C1orf174: variants seen among roughly 807,000 people sequenced by gnomAD.
C1orf174 encodes the protein chromosome 1 open reading frame 174.
In C1orf174, 13 loss-of-function variants were observed where a neutral mutation model predicts 18.4. That is an observed-to-expected ratio of 0.71 (90% CI 0.46 to 1.12). The LOEUF (loss-of-function observed/expected upper bound fraction) is 1.12. C1orf174 is among the 50% of genes most tolerant of loss of function. The probability of loss-of-function intolerance (pLI) is 0.00; values close to 1 mark genes in which losing one functional copy is unlikely to be tolerated. For missense variants in C1orf174, 309 were observed against 308.0 expected (o/e 1.00, Z -0.02); for synonymous variants, 100 against 118.3 (o/e 0.85, Z 1.01).
At chr1:3,892,842 C>T (rs1570964955) in intron 2 of C1orf174, 41 bp downstream of exon 2, 1 of 1,602,614 alleles carries the variant, frequency 6.2e-7, no homozygotes, top group East Asian at 2.2e-5. Flanking sequence ...AATGGACCCT[C>T]GAGTCAGGAT....
Position 3,890,636 on chromosome 1 carries a change from A to C in C1orf174, c.551T>G (p.Phe184Cys), listed in dbSNP as rs1638490032. Residue 184 changes from phenylalanine (F) to cysteine (C), a missense_variant, in exon 3 of 4, where the codon TTT becomes TGT. Transcript: ENST00000361605. ...TGGCTGATTGCTGTCGTCATCTAGAAAGACGCTGTTGTCCATCTGAAGTGG... is the reference window on the plus strand; with the variant it reads ...TGGCTGATTGCTGTCGTCATCTAGACAGACGCTGTTGTCCATCTGAAGTGG... ...KPPLQMDNSV[F>C]LDDDSNQPMP... The C allele has an allele frequency of 1.2e-6, 2 of 1,614,040 alleles. No homozygotes were observed. Among genetic ancestry groups the C allele is most frequent in the African/African-American group, 2.7e-5 (2 of 74,980 alleles).
intron 1 of C1orf174, chr1:3,895,954 A>G (rs1213969018): frequency 6.6e-6 from 1 of 152,500 alleles, no homozygotes; most frequent in Non-Finnish European, 1.5e-5. Context: ...CAAAACAGCC[A>G]TTTAGAGAGC....
intron 1 of C1orf174, 46 bp downstream of exon 1, chr1:3,900,126 G>C: frequency 6.4e-7 from 1 of 1,565,094 alleles, no homozygotes; most frequent in Non-Finnish European, 8.6e-7. Flanking sequence ...GTGACCCAGA[G>C]TCCCCGCCCT....
chr1:3,894,850 C>T lies in C1orf174; in HGVS notation c.16-1854G>A, dbSNP rs1028400595. On this transcript the variant is annotated intron_variant, in intron 1 of 3. Transcript: ENST00000361605. ...TGAAGTGCCTGCTACCACAGCACAC[C>T]GGGGGCTGCGCCTCCGTCCTCTCAC... Among the ~76,000 whole-genome samples the T allele has an allele frequency of 5.9e-5, 9 of 152,154 alleles. No homozygotes were observed. The South Asian group carries it at 1.2e-3, about 21-fold the overall frequency.
At position 3,898,096 on chromosome 1, in the gene C1orf174, A is replaced by G. The variant is rs10909823; in HGVS notation, c.15+2076T>C. On this transcript the variant is annotated intron_variant, in intron 1 of 3. Coordinates refer to ENST00000361605, the MANE Select transcript of C1orf174 (RefSeq NM_207356.3). ...GAACAAAACCTTGAAAGCCCCAAGA[A>G]GAAAGCCACTTAGAAGGGAACCTCA... is the stretch of plus-strand genomic sequence containing the variant. Among the ~76,000 whole-genome samples, 2,107 of 152,372 alleles carry G rather than the reference A, an allele frequency of 0.014. 111 individuals are homozygous for G. The East Asian group carries it at 0.14, about 10-fold the overall frequency.
chr1:3,900,143 C>G, intron 1 of C1orf174, 29 bp downstream of exon 1: 1 of 1,573,230 alleles, frequency 6.4e-7, no homozygotes, highest in Non-Finnish European at 8.6e-7. Flanking sequence ...CCCTGCCCGG[C>G]GCAGCTGCTG....
chr1:3,900,119 A>G (rs113529609), intron 1 of C1orf174, 53 bp downstream of exon 1: 277,244 of 1,555,982 alleles, frequency 0.18, 27,828 homozygotes, highest in African/African-American at 0.42. Context: ...ACAGCAGGTG[A>G]CCCAGAGTCC....
chr1:3,890,113 AC>A, intron 3 of C1orf174, 40 bp from the exon 4 acceptor site: 1 of 1,490,134 alleles, frequency 6.7e-7, no homozygotes, highest in Non-Finnish European at 9.4e-7. Flanking sequence ...CATGAGCAAT[AC>A]ATATCTGCAC....
chr1:3,900,049 G>A (rs1433738484), intron 1 of C1orf174, 123 bp downstream of exon 1: 18 of 1,233,200 alleles, frequency 1.5e-5, no homozygotes, highest in Non-Finnish European at 1.3e-5. Flanking sequence ...CGGGGGCGAG[G>A]CCCAAGCGGA....
intron 1 of C1orf174, among the ~76,000 whole-genome samples, chr1:3,896,633 T>A (rs1638610140): frequency 6.6e-6 from 1 of 152,114 alleles, no homozygotes; most frequent in Non-Finnish European, 1.5e-5. Context: ...GTGGAGGCAG[T>A]GGAGAATCAA....
chr1:3,895,549 A>G (rs1485326866), intron 1 of C1orf174: 1 of 110,870 alleles, frequency 9.0e-6, no homozygotes, highest in Non-Finnish European at 2.0e-5. Flanking sequence ...ACACCTGAGG[A>G]TCTGGTGGGC....
intron 3 of C1orf174, among the ~76,000 whole-genome samples, chr1:3,890,347 T>C (rs1036386427): frequency 2.5e-4 from 38 of 152,236 alleles, no homozygotes; most frequent in Non-Finnish European, 5.3e-4. Flanking sequence ...CCTGATTTCA[T>C]GGAAACACAC....
chr1:3,900,179 C>T lies in C1orf174; in HGVS notation c.8G>A (p.Ser3Asn). The T allele has an allele frequency of 3.2e-6, 5 of 1,587,144 alleles. No homozygotes were observed. Among genetic ancestry groups the T allele is most frequent in the Non-Finnish European group, 4.3e-6 (5 of 1,175,092 alleles). Reference protein sequence around the residue: MRSRKLTGAVRSS... With the variant: MRNRKLTGAVRSS... ...CCGGGACCCAGCCCTCACCTTCCGGCTCCTCATGAGTGTGAGCACCGCAGC... is the reference window on the plus strand; with the variant it reads ...CCGGGACCCAGCCCTCACCTTCCGGTTCCTCATGAGTGTGAGCACCGCAGC... The change falls in exon 1 of 4, where the codon AGC becomes AAC. Residue 3 changes from serine to asparagine, a missense_variant. Coordinates refer to ENST00000361605, the MANE Select transcript of C1orf174 (RefSeq NM_207356.3).
Position 3,893,006 on chromosome 1 carries a change from T to G in C1orf174, c.16-10A>C, listed in dbSNP as rs745425886. ...GCACTGCACCTGTGAGCTAGAGAGA[T>G]TGAGAGCCACTCAGAGAGTGCTCTC... On this transcript the variant is annotated splice_polypyrimidine_tract_variant and intron_variant, in intron 1 of 3. Transcript: ENST00000361605. 17 of 1,613,270 alleles carry G rather than the reference T, an allele frequency of 1.1e-5. No individual in the cohort carries two copies. Among genetic ancestry groups the G allele is most frequent in the Non-Finnish European group, 1.4e-5 (17 of 1,179,632 alleles).
chr1:3,889,763 G>T lies in C1orf174; in HGVS notation c.*197C>A. On this transcript the variant is annotated 3_prime_UTR_variant, in exon 4 of 4. Transcript: ENST00000361605. ...AGTACAGCAGCTTTGCAACCTCAAA[G>T]ATGGTTTGAGTTTTAGTTCCCATGA... is the stretch of plus-strand genomic sequence containing the variant. 5.3e-6 allele frequency: 3 copies of T among 562,490 alleles called. No individual in the cohort carries two copies. Among genetic ancestry groups the T allele is most frequent in the Non-Finnish European group, 9.7e-6 (3 of 308,414 alleles). 34.8% of individuals were successfully genotyped at this position (562,490 alleles called of 1,614,324 possible). A position where few individuals can be genotyped will look rare whatever the true frequency, so the allele number is the denominator to read the frequency against.
intron 1 of C1orf174, among the ~76,000 whole-genome samples, chr1:3,899,008 T>G (rs1430765657): frequency 6.6e-6 from 1 of 152,176 alleles, no homozygotes; most frequent in Non-Finnish European, 1.5e-5. Flanking sequence ...AAGATTAAGC[T>G]GTATACGGTA....
At chr1:3,898,995 A>G (rs1222180875) in intron 1 of C1orf174, among the ~76,000 whole-genome samples, 5 of 152,382 alleles carry the variant, frequency 3.3e-5, no homozygotes, top group Admixed American at 2.0e-4. Flanking sequence ...TATGGAGAAT[A>G]TGAAGATTAA....
intron 1 of C1orf174, among the ~76,000 whole-genome samples, chr1:3,897,454 C>T (rs766360081): frequency 6.6e-6 from 1 of 151,818 alleles, no homozygotes; most frequent in Non-Finnish European, 1.5e-5. Flanking sequence ...GAAGACAGAT[C>T]GATAGATTAT....
intron 1 of C1orf174, among the ~76,000 whole-genome samples, chr1:3,896,391 A>T (rs1331386659): frequency 6.6e-6 from 1 of 152,206 alleles, no homozygotes; most frequent in East Asian, 1.9e-4. Context: ...GGGAAGACAC[A>T]TTTGGAGGAT....
Sources: gnomAD v4.1 joint callset for allele counts (sites outside exome capture counted in the v4.1 genomes callset) on GRCh38, gnomAD v4.1.1 for gene constraint, MANE v1.5 for transcripts, NCBI Gene and HGNC (gene_info 2026-07-23, HGNC 2026-07-21) for gene names.